Variants in CSMD3 observed in about 807,000 individuals in gnomAD.
The protein encoded by CSMD3 is CUB and sushi domain-containing protein 3.
In CSMD3, 177 loss-of-function variants were observed where a neutral mutation model predicts 435.2. That is an observed-to-expected ratio of 0.41 (90% confidence interval 0.36 to 0.46). The LOEUF is 0.46. CSMD3 is among the 20% of genes least tolerant of loss of function. The pLI is 0.34. For synonymous variants in CSMD3, 1,656 were observed against 1,520.5 expected, an observed-to-expected ratio of 1.09 and a Z score of -2.07; for missense variants, 4,265 against 4,504.6, an observed-to-expected ratio of 0.95 and a Z score of 1.52.
At chr8:113,364,515 T>C (rs2094298924) in intron 1 of CSMD3, among the ~76,000 whole-genome samples, 2 of 152,168 alleles carry the variant, frequency 1.3e-5, no homozygotes, top group Middle Eastern at 3.4e-3. Flanking sequence ...TGAAGGAAAA[T>C]AGCCAAATTA....
chr8:113,276,376 CAG>C (rs2093570433), intron 3 of CSMD3, among the ~76,000 whole-genome samples: 1 of 151,972 alleles, frequency 6.6e-6, no homozygotes, highest in African/African-American at 2.4e-5. Context: ...ACAGATACAT[CAG>C]AGGGGAAATC....
intron 10 of CSMD3, among the ~76,000 whole-genome samples, chr8:112,920,358 C>G (rs571731923): frequency 6.6e-6 from 1 of 151,692 alleles, no homozygotes; most frequent in South Asian, 2.1e-4. Context: ...GAATAGATGG[C>G]AAAGAAACAG....
At chr8:112,920,960 T>C (rs1479597279) in intron 10 of CSMD3, among the ~76,000 whole-genome samples, 2 of 144,734 alleles carry the variant, frequency 1.4e-5, no homozygotes, top group Admixed American at 1.4e-4. Flanking sequence ...CACATACTGG[T>C]ATTTATATAT....
At chr8:113,400,204 A>G (rs1330521629) in intron 1 of CSMD3, among the ~76,000 whole-genome samples, 1 of 152,010 alleles carries the variant, frequency 6.6e-6, no homozygotes, top group East Asian at 1.9e-4. Context: ...TCCCATTTCA[A>G]ATGGTATCCA....
At position 113,255,814 on chromosome 8, in the gene CSMD3, T is replaced by C. The variant is rs1410834862; in HGVS notation, c.514+22778A>G. Among the ~76,000 whole-genome samples the C allele has an allele frequency of 2.6e-5, 4 of 151,884 alleles. No individual in the cohort carries two copies. In the East Asian group the frequency reaches 7.7e-4, roughly 29 times the overall value. Reference sequence around the variant, plus strand: ...TCTCTAAGTGTATTTCCTATAATATTTAACTATAATAATATATAGTAATTA... The same window carrying C: ...TCTCTAAGTGTATTTCCTATAATATCTAACTATAATAATATATAGTAATTA... On this transcript the variant is annotated intron_variant, in intron 3 of 70. Transcript: ENST00000297405.
At chr8:113,206,211 C>T (rs915831440) in intron 3 of CSMD3, among the ~76,000 whole-genome samples, 3 of 151,844 alleles carry the variant, frequency 2.0e-5, no homozygotes, top group African/African-American at 7.3e-5. Flanking sequence ...ATTTTGATTT[C>T]TTTATAGTTA....
chr8:112,829,880 T>A, intron 11 of CSMD3, 91 bp from the exon 12 acceptor site: 1 of 653,512 alleles, frequency 1.5e-6, no homozygotes, highest in Non-Finnish European at 2.7e-6. Flanking sequence ...ATTCTTTGTC[T>A]CTCTGCACAC....
intron 1 of CSMD3, among the ~76,000 whole-genome samples, chr8:113,374,946 G>C (rs2094371877): frequency 6.6e-6 from 1 of 150,956 alleles, no homozygotes; most frequent in Non-Finnish European, 1.5e-5. Context: ...ATCATTGTAA[G>C]TGTTTGTTTT....
intron 22 of CSMD3, among the ~76,000 whole-genome samples, chr8:112,600,674 AT>A (rs1000988580): frequency 1.2e-4 from 18 of 151,182 alleles, no homozygotes; most frequent in Non-Finnish European, 2.1e-4. Context: ...ATATCTCATG[AT>A]TTTTTTTTCT....
At chr8:112,376,136 T>C (rs1384848566) in intron 38 of CSMD3, among the ~76,000 whole-genome samples, 1 of 152,180 alleles carries the variant, frequency 6.6e-6, no homozygotes, top group Non-Finnish European at 1.5e-5. Context: ...ATGTAGCTGA[T>C]TATTTATTGC....
intron 13 of CSMD3, among the ~76,000 whole-genome samples, chr8:112,719,791 T>C (rs1159526953): frequency 2.6e-5 from 4 of 152,204 alleles, no homozygotes; most frequent in South Asian, 4.1e-4. Flanking sequence ...AAATTTGAAG[T>C]AGTTAGGAAG....
At chr8:113,218,738 A>G (rs1293434252) in intron 3 of CSMD3, among the ~76,000 whole-genome samples, 1 of 151,342 alleles carries the variant, frequency 6.6e-6, no homozygotes, top group Non-Finnish European at 1.5e-5. Flanking sequence ...CATAACATGC[A>G]TTACTGAAAT....
chr8:112,470,303 C>T (rs897767613), intron 32 of CSMD3, among the ~76,000 whole-genome samples: 10 of 151,892 alleles, frequency 6.6e-5, no homozygotes, highest in South Asian at 2.1e-4. Flanking sequence ...TAACCTTTTT[C>T]GGGGGTGGAA....
rs112447584 is a variant in CSMD3 at position 112,582,942 on chromosome 8, C to T, written c.3885+4124G>A. On this transcript the variant is annotated intron_variant, in intron 23 of 70. Transcript: ENST00000297405. ...AATCTGCTAGTGCCTTAGTCTTGAA[C>T]TTACCAGCCTTCAGAACTTCAAAAA... Among the ~76,000 whole-genome samples, 282 of 152,130 alleles carry T rather than the reference C, an allele frequency of 1.9e-3. 3 individuals are homozygous for T. The highest frequency in any genetic ancestry group is 6.5e-3 in the African/African-American group (270 of 41,528).
At chr8:113,150,675 G>T (rs2091785281) in intron 4 of CSMD3, among the ~76,000 whole-genome samples, 1 of 152,012 alleles carries the variant, frequency 6.6e-6, no homozygotes, top group Non-Finnish European at 1.5e-5. Context: ...ATATGGGAAA[G>T]GACAAGATTT....
intron 1 of CSMD3, among the ~76,000 whole-genome samples, chr8:113,387,536 G>A (rs1460416067): frequency 6.6e-6 from 1 of 151,590 alleles, no homozygotes; most frequent in Admixed American, 6.6e-5. Flanking sequence ...AGAAACAAGG[G>A]GACTTTAAAT....
At chr8:112,755,154 AC>A (rs2077660951) in intron 13 of CSMD3, among the ~76,000 whole-genome samples, 1 of 151,516 alleles carries the variant, frequency 6.6e-6, no homozygotes, top group African/African-American at 2.4e-5. Flanking sequence ...ACACGGTGAA[AC>A]CCTGTCTCTA....
intron 3 of CSMD3, among the ~76,000 whole-genome samples, chr8:113,187,450 T>C (rs1157189484): frequency 6.6e-6 from 1 of 152,018 alleles, no homozygotes; most frequent in Non-Finnish European, 1.5e-5. Flanking sequence ...GTGACAAATA[T>C]GACCACTCTG....
At chr8:112,824,892 A>C (rs1587402733) in intron 12 of CSMD3, among the ~76,000 whole-genome samples, 1 of 152,204 alleles carries the variant, frequency 6.6e-6, no homozygotes, top group East Asian at 1.9e-4. Flanking sequence ...AATATCCTGA[A>C]GGGTGTTTTC....
Sources: allele counts gnomAD v4.1 joint callset (sites outside exome capture counted in the v4.1 genomes callset), GRCh38; gene constraint gnomAD v4.1.1; transcripts MANE v1.5; gene names NCBI Gene and HGNC (gene_info 2026-07-23, HGNC 2026-07-21).